ACCSL: variants seen among roughly 807,000 people sequenced by gnomAD.
The protein encoded by ACCSL is 1-aminocyclopropane-1-carboxylate synthase homolog (inactive) like.
A neutral mutation model predicts 61.7 loss-of-function variants in ACCSL; 55 were observed. That is an observed-to-expected ratio of 0.89 (90% CI 0.72 to 1.12). ACCSL has a LOEUF of 1.12. ACCSL is among the 50% of genes most tolerant of loss of function. The probability of loss-of-function intolerance (pLI) is 0.00; values close to 1 mark genes in which losing one functional copy is unlikely to be tolerated. For missense variants in ACCSL, 632 were observed against 698.0 expected (o/e 0.91, Z 1.07); for synonymous variants, 258 against 264.3 (o/e 0.98, Z 0.23).
chr11:43,982,263 T>A, the ACCSL span, among the ~76,000 whole-genome samples: 4 of 138,030 alleles, frequency 2.9e-5, no homozygotes. Context: ...ACTTAGTCTC[T>A]GTTGCCCAGG....
chr11:43,959,910 G>A, the ACCSL span, among the ~76,000 whole-genome samples: 5 of 152,190 alleles, frequency 3.3e-5, no homozygotes, highest in East Asian at 7.7e-4. Flanking sequence ...AATAATTCAC[G>A]CCAGACTCAA....
chr11:44,003,704 T>C, the ACCSL span, among the ~76,000 whole-genome samples: 3 of 151,722 alleles, frequency 2.0e-5, no homozygotes, highest in Non-Finnish European at 2.9e-5. Context: ...TCTCCAAAAC[T>C]CTTTTCATCC....
At chr11:43,965,584 A>T in the ACCSL span, among the ~76,000 whole-genome samples, 1 of 152,186 alleles carries the variant, frequency 6.6e-6, no homozygotes, top group Non-Finnish European at 1.5e-5. Context: ...CCTTTTAAAA[A>T]CTTTTTTTGC....
chr11:43,979,884 G>A, the ACCSL span, among the ~76,000 whole-genome samples: 1 of 150,392 alleles, frequency 6.6e-6, no homozygotes, highest in Non-Finnish European at 1.5e-5. Context: ...AAAAAAATTG[G>A]CAACATTTCA....
the ACCSL span, chr11:43,922,306 C>T: frequency 2.0e-5 from 3 of 152,216 alleles, no homozygotes; most frequent in East Asian, 5.8e-4. Flanking sequence ...GTGGCAGAAC[C>T]AGATTGCAGA....
chr11:43,927,876 A>T, the ACCSL span, among the ~76,000 whole-genome samples: 1 of 152,226 alleles, frequency 6.6e-6, no homozygotes, highest in East Asian at 1.9e-4. Flanking sequence ...GGCACAGAGT[A>T]AGCAAGAACT....
chr11:44,051,185 C>T (rs1191602828), intron 3 of ACCSL, 150 bp from the exon 4 acceptor site: 11 of 778,256 alleles, frequency 1.4e-5, no homozygotes, highest in Non-Finnish European at 2.5e-5. Flanking sequence ...GTCTGTGTGA[C>T]TTGGGGAGTT....
At chr11:43,956,426 A>ATTT in the ACCSL span, among the ~76,000 whole-genome samples, 1 of 149,638 alleles carries the variant, frequency 6.7e-6, no homozygotes, top group Non-Finnish European at 1.5e-5. Flanking sequence ...CACTGCTACA[A>ATTT]TTTTTTTTTT....
At chr11:43,926,516 C>T in the ACCSL span, 14 of 455,808 alleles carry the variant, frequency 3.1e-5, no homozygotes, top group African/African-American at 2.8e-4. Context: ...AAGACCAGGG[C>T]TTTTATATCC....
chr11:43,955,398 C>T, the ACCSL span, among the ~76,000 whole-genome samples: 2 of 152,178 alleles, frequency 1.3e-5, no homozygotes, highest in East Asian at 3.9e-4. Flanking sequence ...CAACTGTTAC[C>T]ACCCAGTGGG....
At chr11:44,015,441 T>A in the ACCSL span, among the ~76,000 whole-genome samples, 2 of 152,146 alleles carry the variant, frequency 1.3e-5, no homozygotes, top group African/African-American at 4.8e-5. Context: ...GACAGGGCCG[T>A]CTACCAGAGA....
chr11:43,969,834 C>A, the ACCSL span, among the ~76,000 whole-genome samples: 1 of 152,168 alleles, frequency 6.6e-6, no homozygotes, highest in Non-Finnish European at 1.5e-5. Context: ...TCACTGTCAG[C>A]ACCCGTCCTC....
the ACCSL span, among the ~76,000 whole-genome samples, chr11:43,934,181 G>A: frequency 1.3e-5 from 2 of 152,114 alleles, no homozygotes; most frequent in Non-Finnish European, 2.9e-5. Context: ...GATTGCCTGG[G>A]ATTGTCATGG....
rs749978552 is a variant in ACCSL, at chr11:44,053,504, G to A, written c.1047G>A (p.Lys349=). ...DSLMKYLEFA[K]RYNLHVIIDE... ...TGATGAAATACCTGGAATTTGCCAA[G>A]AGGTATGAGTTCTACCCCTTGAGAC... The change falls in exon 8 of 14, where the codon AAG becomes AAA. Residue 349 remains lysine (K), a splice_region_variant and synonymous_variant. Transcript: ENST00000378832. 6.2e-7 allele frequency: 1 copy of A among 1,613,052 alleles called. No homozygotes were observed. The highest frequency in any genetic ancestry group is 1.1e-5 in the South Asian group (1 of 91,064).
the ACCSL span, among the ~76,000 whole-genome samples, chr11:43,991,796 G>C: frequency 6.6e-6 from 1 of 151,988 alleles, no homozygotes; most frequent in South Asian, 2.1e-4. Context: ...CTGTCTCAAA[G>C]AAACAAAAAC....
chr11:43,999,953 AG>A, the ACCSL span, among the ~76,000 whole-genome samples: 1 of 152,216 alleles, frequency 6.6e-6, no homozygotes, highest in Non-Finnish European at 1.5e-5. Context: ...ACATTGTATT[AG>A]GTGTTATAAG....
intron 4 of ACCSL, 121 bp from the exon 5 acceptor site, chr11:44,051,532 A>G: frequency 6.5e-7 from 1 of 1,529,008 alleles, no homozygotes; most frequent in South Asian, 1.1e-5. Flanking sequence ...CATGAAGGCC[A>G]ATGTGTCCCA....
chr11:43,933,710 C>T, the ACCSL span, among the ~76,000 whole-genome samples: 4 of 152,132 alleles, frequency 2.6e-5, no homozygotes, highest in Middle Eastern at 3.2e-3. Context: ...AATGAGCTCT[C>T]GTTACTCACA....
the ACCSL span, among the ~76,000 whole-genome samples, chr11:43,989,543 C>T: frequency 6.6e-6 from 1 of 152,244 alleles, no homozygotes; most frequent in African/African-American, 2.4e-5. Flanking sequence ...CTGACCTTGG[C>T]CTTCCTCTGC....
Sources: allele counts gnomAD v4.1 joint callset (sites outside exome capture counted in the v4.1 genomes callset), GRCh38; gene constraint gnomAD v4.1.1; transcripts MANE v1.5; gene names NCBI Gene and HGNC (gene_info 2026-07-23, HGNC 2026-07-21).